Variants in UBAP2 observed in about 807,000 individuals in gnomAD.
UBAP2 encodes the protein ubiquitin-associated protein 2.
UBAP2 carries 75 observed loss-of-function variants against 139.6 expected under a neutral mutation model. The ratio of observed to expected loss-of-function variants is 0.54; its 90% CI spans 0.45 to 0.65. The LOEUF is 0.65. Among genes scored for constraint, UBAP2 ranks in the 30% least tolerant of loss-of-function variants. The probability of loss-of-function intolerance (pLI) is 0.00; values close to 1 mark genes in which losing one functional copy is unlikely to be tolerated. For synonymous variants in UBAP2, 526 were observed against 526.2 expected, an observed-to-expected ratio of 1.00 and a Z score of 0.01; for missense variants, 1,368 against 1,369.6, an observed-to-expected ratio of 1.00 and a Z score of 0.02.
intron 1 of UBAP2, among the ~76,000 whole-genome samples, chr9:34,035,410 G>A (rs546288480): frequency 6.7e-6 from 1 of 149,370 alleles, no homozygotes; most frequent in Non-Finnish European, 1.5e-5. Context: ...GCTGAGGTGG[G>A]AGAACAGCTT....
intron 1 of UBAP2, among the ~76,000 whole-genome samples, chr9:34,032,713 C>A (rs1825990031): frequency 1.3e-5 from 2 of 152,040 alleles, no homozygotes; most frequent in Non-Finnish European, 1.5e-5. Context: ...CACTTGAGGT[C>A]CGGAGTTTGA....
Position 33,928,097 on chromosome 9 carries a change from A to G in UBAP2, c.2176-105T>C, listed in dbSNP as rs1181467270. On this transcript the variant is annotated intron_variant, in intron 19 of 28. Transcript: ENST00000379238. ...GCCCAAGTCTCAAGGCTGAGCAGGC[A>G]GGCAATGATGTAACCACCCAGGCTC... 1.3e-5 allele frequency: 17 copies of G among 1,262,038 alleles called. No homozygotes were observed. In the East Asian group the frequency reaches 3.5e-4, roughly 26 times the overall value. 78.2% of individuals were successfully genotyped at this position (1,262,038 alleles called of 1,614,324 possible).
intron 4 of UBAP2, chr9:33,995,999 A>G (rs1822168470): frequency 4.5e-6 from 2 of 448,140 alleles, no homozygotes; most frequent in Non-Finnish European, 7.9e-6. Flanking sequence ...AGGCTGGAGT[A>G]GATCACCAAG....
intron 7 of UBAP2, among the ~76,000 whole-genome samples, chr9:33,972,967 C>T (rs1204474212): frequency 6.6e-6 from 1 of 152,164 alleles, no homozygotes; most frequent in African/African-American, 2.4e-5. Context: ...TTATCCAATA[C>T]ACAATCTCAA....
At chr9:34,000,843 C>T (rs1822638450) in intron 2 of UBAP2, among the ~76,000 whole-genome samples, 1 of 152,166 alleles carries the variant, frequency 6.6e-6, no homozygotes, top group Non-Finnish European at 1.5e-5. Flanking sequence ...CCTGTTCATC[C>T]CAACCTATGC....
At chr9:34,007,158 T>C (rs558296060) in intron 2 of UBAP2, among the ~76,000 whole-genome samples, 2 of 152,262 alleles carry the variant, frequency 1.3e-5, no homozygotes, top group South Asian at 4.2e-4. Context: ...CTAGACCCCT[T>C]TATTTCCTTC....
chr9:33,976,824 C>T (rs917722392), intron 6 of UBAP2, among the ~76,000 whole-genome samples: 15 of 149,786 alleles, frequency 1.0e-4, no homozygotes, highest in Admixed American at 3.3e-4. Flanking sequence ...TGGTGAAATC[C>T]CATCTCTACT....
chr9:33,979,180 G>A (rs1297016365), intron 6 of UBAP2, among the ~76,000 whole-genome samples: 2 of 152,206 alleles, frequency 1.3e-5, no homozygotes, highest in African/African-American at 4.8e-5. Context: ...GGAGGTTGCA[G>A]TGAGCTATGA....
At chr9:34,035,736 T>G (rs1826309110) in intron 1 of UBAP2, among the ~76,000 whole-genome samples, 1 of 151,600 alleles carries the variant, frequency 6.6e-6, no homozygotes, top group South Asian at 2.1e-4. Flanking sequence ...TGTCAACTTC[T>G]GTTCACAAAC....
At position 34,039,847 on chromosome 9, in the gene UBAP2, T is replaced by TAAAA. The variant is rs74180526; in HGVS notation, c.-42+8974_-42+8977dup. ...ACACCCAAGAATGATCAATAAATACTAAAAAAAAAAAAAAAAAAAAAAAAA... is the reference window on the plus strand; with the variant it reads ...ACACCCAAGAATGATCAATAAATACTAAAAAAAAAAAAAAAAAAAAAAAAAAAAA... On this transcript the variant is annotated intron_variant, in intron 1 of 28. Coordinates refer to ENST00000379238, the MANE Select transcript of UBAP2 (RefSeq NM_001370062.2). Among the ~76,000 whole-genome samples, 76 of 84,406 alleles carry TAAAA rather than the reference T, an allele frequency of 9.0e-4. 3 individuals carry two copies. The highest frequency in any genetic ancestry group is 1.6e-3 in the East Asian group (4 of 2,510). The allele number at this position is 84,406 out of a possible 152,430, so 55.4% of individuals were successfully genotyped here.
intron 16 of UBAP2, among the ~76,000 whole-genome samples, chr9:33,937,020 A>T (rs1824605580): frequency 6.6e-6 from 1 of 151,804 alleles, no homozygotes. Context: ...TGCAAAGAAA[A>T]CTTCTGGCCC....
chr9:34,006,796 T>C (rs1823259835), intron 2 of UBAP2, among the ~76,000 whole-genome samples: 1 of 152,178 alleles, frequency 6.6e-6, no homozygotes. Context: ...ACACAAGGAA[T>C]ATTGTTCTCA....
chr9:34,016,399 G>GTGGTGGTGGTGGTGGTGGTGGTGGTGT (rs1824347311), intron 2 of UBAP2, among the ~76,000 whole-genome samples: 1 of 149,506 alleles, frequency 6.7e-6, no homozygotes, highest in African/African-American at 2.5e-5. Flanking sequence ...GGTGGTGGTG[G>GTGGTGGTGGTGGTGGTGGTGGTGGTGT]TGGTGGTGGT....
At chr9:33,939,644 G>A (rs998637166) in intron 16 of UBAP2, among the ~76,000 whole-genome samples, 1 of 146,684 alleles carries the variant, frequency 6.8e-6, no homozygotes, top group African/African-American at 2.6e-5. Context: ...CCCACTACTC[G>A]GGAGGCTGAG....
At chr9:34,036,515 C>T (rs1826381452) in intron 1 of UBAP2, among the ~76,000 whole-genome samples, 1 of 152,156 alleles carries the variant, frequency 6.6e-6, no homozygotes, top group Admixed American at 6.6e-5. Flanking sequence ...TTCAACAATG[C>T]TTTTCTCTGT....
intron 15 of UBAP2, 53 bp from the exon 16 acceptor site, chr9:33,941,915 T>TAAA (rs33950531): frequency 2.8e-4 from 280 of 998,890 alleles, no homozygotes; most frequent in Non-Finnish European, 3.4e-4. Flanking sequence ...AATAGCTTCA[T>TAAA]AAAAAAAAAA....
chr9:34,018,679 C>A (rs971513398), intron 1 of UBAP2, among the ~76,000 whole-genome samples: 1 of 151,916 alleles, frequency 6.6e-6, no homozygotes, highest in African/African-American at 2.4e-5. Context: ...CTGGCTAACA[C>A]GGTGAAACCC....
At chr9:33,930,724 C>T (rs554122774) in intron 19 of UBAP2, among the ~76,000 whole-genome samples, 1 of 151,822 alleles carries the variant, frequency 6.6e-6, no homozygotes, top group African/African-American at 2.4e-5. Context: ...AGTGAAATCC[C>T]GTCTCTACTA....
chr9:33,923,545 G>T, intron 24 of UBAP2, 67 bp from the exon 25 acceptor site: 1 of 1,496,480 alleles, frequency 6.7e-7, no homozygotes. Context: ...AGGTACCCCT[G>T]CCAGAGCCTA....
Sources: allele counts gnomAD v4.1 joint callset (sites outside exome capture counted in the v4.1 genomes callset), GRCh38; gene constraint gnomAD v4.1.1; transcripts MANE v1.5; gene names NCBI Gene and HGNC (gene_info 2026-07-23, HGNC 2026-07-21).